Variants in PFKM observed in about 807,000 individuals in gnomAD.
PFKM encodes the protein phosphofructokinase, muscle, also known as ATP-dependent 6-phosphofructokinase, muscle type.
A neutral mutation model predicts 95.5 loss-of-function variants in PFKM; 58 were observed. The ratio of observed to expected loss-of-function variants is 0.61; its 90% confidence interval spans 0.49 to 0.76. The LOEUF is 0.76. Among genes scored for constraint, PFKM ranks in the 30% least tolerant of loss-of-function variants. The pLI is 0.00. For synonymous variants in PFKM, 336 were observed against 357.2 expected (o/e 0.94, Z 0.67); for missense variants, 678 against 1,005.4 (o/e 0.67, Z 4.40).
rs535852590 is a variant in PFKM at position 48,112,573 on chromosome 12, A to C, written c.205+4379A>C. 1.1e-4 allele frequency among the ~76,000 whole-genome samples: 16 copies of C among 152,318 alleles called. No individual in the cohort carries two copies. In the South Asian group the frequency reaches 3.3e-3, roughly 32 times the overall value. ...GTGAAAGTGAAGTGAGGCTGGGATG[A>C]AGGGTGCAAAGGAATAGTAAAGAAA... is the stretch of plus-strand genomic sequence containing the variant. On this transcript the variant is annotated intron_variant, in intron 3 of 24. Transcript: ENST00000340802.
intron 1 of PFKM, chr12:48,106,230 G>A: frequency 1.5e-6 from 1 of 648,900 alleles, no homozygotes; most frequent in Non-Finnish European, 2.8e-6. Flanking sequence ...CCCGAGAAGC[G>A]AAGGGAGCAT....
intron 1 of PFKM, 116 bp downstream of exon 1, chr12:48,119,522 T>G (rs1565854433): frequency 1.9e-6 from 1 of 520,388 alleles, no homozygotes; most frequent in Non-Finnish European, 2.5e-6. Flanking sequence ...AAAGAAGAGA[T>G]ACGGCATCCT....
At position 48,139,846 on chromosome 12, in the gene PFKM, C is replaced by T; in HGVS notation, c.1128-3C>T. The T allele has an allele frequency of 6.2e-7, 1 of 1,602,600 alleles. No individual in the cohort carries two copies. ...CACCTCTCTCTATTTGTACTTCCTA[C>T]AGGAGCTTCATGAACAACTGGGAGG... On this transcript the variant is annotated splice_region_variant and splice_polypyrimidine_tract_variant and intron_variant, in intron 12 of 22. Transcript: ENST00000359794.
rs768306655 is a variant in PFKM at position 48,139,841 on chromosome 12, T to C, written c.1128-8T>C. The C allele has an allele frequency of 6.3e-7, 1 of 1,598,046 alleles. No homozygotes were observed. Among genetic ancestry groups the C allele is most frequent in the Admixed American group, 1.7e-5 (1 of 59,976 alleles). On this transcript the variant is annotated splice_region_variant and splice_polypyrimidine_tract_variant and intron_variant, in intron 12 of 22. Transcript: ENST00000359794. ...GAAGACACCTCTCTCTATTTGTACT[T>C]CCTACAGGAGCTTCATGAACAACTG...
chr12:48,129,162 C>T (rs1030458671), intron 2 of PFKM, among the ~76,000 whole-genome samples: 1 of 142,376 alleles, frequency 7.0e-6, no homozygotes, highest in Non-Finnish European at 1.5e-5. Context: ...AGGATTGCCT[C>T]TCTATTTTAG....
intron 7 of PFKM, 150 bp from the exon 8 acceptor site, chr12:48,134,571 G>T (rs1210581250): frequency 1.4e-6 from 1 of 732,826 alleles, no homozygotes; most frequent in African/African-American, 1.7e-5. Flanking sequence ...CTCATTGAGG[G>T]GCCCCGGTGC....
rs577762840 is a variant in PFKM at position 48,131,922 on chromosome 12, A to G, written c.237+529A>G. The G allele has an allele frequency of 6.3e-4, 274 of 435,362 alleles. 5 individuals carry two copies. Among genetic ancestry groups the G allele is most frequent in the South Asian group, 2.6e-3 (156 of 59,970 alleles). 27.0% of individuals were successfully genotyped at this position (435,362 alleles called of 1,614,324 possible). A position where few individuals can be genotyped will look rare whatever the true frequency, so the allele number is the denominator to read the frequency against. ...ATGTTGTTTTAGGCTTCTCATGTGT[A>G]TCCACTGTGGGCTAGCCCACAGTGA... On this transcript the variant is annotated intron_variant, in intron 4 of 22. Coordinates refer to ENST00000359794, the MANE Select transcript of PFKM (RefSeq NM_000289.6).
chr12:48,126,122 A>G (rs1325113326), intron 2 of PFKM, among the ~76,000 whole-genome samples: 1 of 152,034 alleles, frequency 6.6e-6, no homozygotes, highest in African/African-American at 2.4e-5. Context: ...CAGAATACCT[A>G]CTGGATGGTG....
At chr12:48,119,308 C>G (rs1947946711), upstream of PFKM, 2 of 983,452 alleles carry the variant, frequency 2.0e-6, no homozygotes, top group Admixed American at 6.2e-5. Context: ...CCCTCTTTGC[C>G]TCCACCTGGC....
At chr12:48,142,659 CT>C in intron 17 of PFKM, 122 bp from the exon 18 acceptor site, 4 of 959,918 alleles carry the variant, frequency 4.2e-6, no homozygotes, top group Non-Finnish European at 6.7e-6. Flanking sequence ...TTGATGAGCT[CT>C]AAGGGCCCTG....
At chr12:48,129,845 C>T (rs1008819388) in intron 2 of PFKM, among the ~76,000 whole-genome samples, 1 of 152,148 alleles carries the variant, frequency 6.6e-6, no homozygotes, top group Non-Finnish European at 1.5e-5. Flanking sequence ...GTAGGACAAG[C>T]CATAGAGGCT....
chr12:48,141,273 T>C, intron 14 of PFKM, 38 bp from the exon 15 acceptor site: 1 of 1,593,506 alleles, frequency 6.3e-7, no homozygotes, highest in South Asian at 1.1e-5. Flanking sequence ...CTCCTAGTGC[T>C]TTAGCCTTGT....
intron 3 of PFKM, chr12:48,108,306 C>A: frequency 6.6e-6 from 6 of 903,590 alleles, no homozygotes; most frequent in South Asian, 2.4e-5. Flanking sequence ...AATATAAGAC[C>A]CAAGGGGGAA....
chr12:48,135,428 C>T (rs749047735), intron 10 of PFKM, 45 bp downstream of exon 10: 2 of 1,359,044 alleles, frequency 1.5e-6, no homozygotes, highest in Non-Finnish European at 2.1e-6. Flanking sequence ...AAACCCTCAA[C>T]CTTGTAGTCC....
At chr12:48,136,581 T>A (rs924025167) in intron 10 of PFKM, among the ~76,000 whole-genome samples, 4 of 151,958 alleles carry the variant, frequency 2.6e-5, no homozygotes, top group Non-Finnish European at 2.9e-5. Flanking sequence ...CTTAAAAAAA[T>A]TTTTTTTCAA....
At position 48,145,039 on chromosome 12, in the gene PFKM, C is replaced by T. The variant is rs367955366; in HGVS notation, c.2001C>T (p.Ser667=). The T allele has an allele frequency of 1.2e-6, 2 of 1,611,652 alleles. No homozygotes were observed. The highest frequency in any genetic ancestry group is 1.7e-6 in the Non-Finnish European group (2 of 1,177,840). The change falls in exon 21 of 23, where the codon AGC becomes AGT. Residue 667 remains serine, a synonymous_variant. Coordinates refer to ENST00000359794, the MANE Select transcript of PFKM (RefSeq NM_000289.6). The surrounding 1 kb of genome is among the most constrained non-coding windows in gnomAD (Gnocchi z 4.3). ...TATGTTTCTTTCTCCAGGGTGGGAG[C>T]CCAACCCCATTTGATAGGAATTTTG... is the stretch of plus-strand genomic sequence containing the variant. The part of the protein sequence containing the change: ...NVLGHMQQGG[S]PTPFDRNFAT...
At chr12:48,142,512 G>C in intron 17 of PFKM, 3 of 487,796 alleles carry the variant, frequency 6.2e-6, no homozygotes, top group Non-Finnish European at 1.1e-5. Context: ...CAAATGTTTT[G>C]TTTGTTTTTT....
chr12:48,142,201 G>A, intron 17 of PFKM, 135 bp downstream of exon 17: 1 of 948,300 alleles, frequency 1.1e-6, no homozygotes. Flanking sequence ...AGCTGGGCAT[G>A]GTGGCTCACA....
At chr12:48,143,098 C>T in intron 18 of PFKM, 152 bp downstream of exon 18, 2 of 761,528 alleles carry the variant, frequency 2.6e-6, no homozygotes, top group Non-Finnish European at 4.5e-6. Flanking sequence ...CAGGCATTCT[C>T]TGGTGTCACC....
Sources: allele counts gnomAD v4.1 joint callset (sites outside exome capture counted in the v4.1 genomes callset), GRCh38; gene constraint gnomAD v4.1.1; non-coding constraint Gnocchi (gnomAD v3.1); transcripts MANE v1.5; gene names NCBI Gene and HGNC (gene_info 2026-07-23, HGNC 2026-07-21).